The following AGAP1 variants were observed in gnomAD, a reference collection of about 807,000 sequenced individuals.
AGAP1 encodes the protein ArfGAP with GTPase domain, ankyrin repeat and PH domain 1, also known as arf-GAP with GTPase, ANK repeat and PH domain-containing protein 1.
AGAP1 carries 29 observed loss-of-function variants against 105.3 expected under a neutral mutation model. The observed-to-expected ratio is 0.28, with a 90% confidence interval of 0.21 to 0.38. The LOEUF (loss-of-function observed/expected upper bound fraction) is 0.38. Ranked by LOEUF, AGAP1 falls within the 10% of genes least tolerant of loss-of-function variation. The pLI, the probability that AGAP1 is intolerant of heterozygous loss-of-function variation, is 1.00. For missense variants in AGAP1, 998 were observed against 1,165.1 expected (o/e 0.86, Z 2.09); for synonymous variants, 509 against 485.9 (o/e 1.05, Z -0.63).
Position 235,623,175 on chromosome 2 carries a change from G to A in AGAP1, c.164-86004G>A, listed in dbSNP as rs531069697. Among the ~76,000 whole-genome samples the A allele has an allele frequency of 1.6e-4, 25 of 152,180 alleles. No homozygotes were observed. The highest frequency in any genetic ancestry group is 1.2e-3 in the Admixed American group (19 of 15,290). ...ATCAATGGGCCTTTCCTTTCATTTC[G>A]AACTTTCAATACAGCTGCAGAAACA... On this transcript the variant is annotated intron_variant, in intron 1 of 17. Coordinates refer to ENST00000304032, the MANE Select transcript of AGAP1 (RefSeq NM_001037131.3). This position sits in a 1 kb window ranked among gnomAD's most constrained non-coding sequence, Gnocchi z 4.5.
chr2:235,855,226 C>T lies in AGAP1; in HGVS notation c.1051-28119C>T, dbSNP rs971006200. Among the ~76,000 whole-genome samples, 6 of 152,114 alleles carry T rather than the reference C, an allele frequency of 3.9e-5. No individual in the cohort carries two copies. The highest frequency in any genetic ancestry group is 1.9e-4 in the East Asian group (1 of 5,190). On this transcript the variant is annotated intron_variant, in intron 9 of 17. Coordinates refer to ENST00000304032, the MANE Select transcript of AGAP1 (RefSeq NM_001037131.3). The surrounding 1 kb of genome is among the most constrained non-coding windows in gnomAD (Gnocchi z 5.0). ...TGCTGCCATCCCTTGGGGTGGCGCA[C>T]GGAAATGGAAGCGTGAGGTCATCCC... is the stretch of plus-strand genomic sequence containing the variant.
At chr2:235,685,693 A>G (rs1388722145) in intron 1 of AGAP1, among the ~76,000 whole-genome samples, 1 of 152,038 alleles carries the variant, frequency 6.6e-6, no homozygotes, top group Non-Finnish European at 1.5e-5. Context: ...TTTTTACTGT[A>G]AAAATCAAAA....
At chr2:235,978,249 T>C (rs2054941222) in intron 13 of AGAP1, among the ~76,000 whole-genome samples, 1 of 152,190 alleles carries the variant, frequency 6.6e-6, no homozygotes, top group African/African-American at 2.4e-5. Flanking sequence ...TTCTACTTTC[T>C]ATTCCTGGCT....
intron 1 of AGAP1, among the ~76,000 whole-genome samples, chr2:235,681,786 T>C (rs759963812): frequency 2.0e-5 from 3 of 151,826 alleles, no homozygotes; most frequent in Middle Eastern, 3.2e-3. Context: ...ATTGGTGAAA[T>C]TTAACTGTTT....
intron 1 of AGAP1, among the ~76,000 whole-genome samples, chr2:235,497,586 C>T (rs187167459): frequency 9.2e-5 from 14 of 152,302 alleles, no homozygotes; most frequent in Non-Finnish European, 2.1e-4. Context: ...TCTGGACTAC[C>T]GTGATGTGGG....
At chr2:235,890,084 C>A (rs1437404607) in intron 10 of AGAP1, among the ~76,000 whole-genome samples, 1 of 151,872 alleles carries the variant, frequency 6.6e-6, no homozygotes, top group Non-Finnish European at 1.5e-5. Context: ...GGTCCCTGCA[C>A]TTCCATGCTG....
intron 10 of AGAP1, among the ~76,000 whole-genome samples, chr2:235,892,233 T>C (rs140329236): frequency 1.7e-4 from 26 of 152,290 alleles, no homozygotes; most frequent in African/African-American, 6.3e-4. Flanking sequence ...CTGTCATTTC[T>C]CCCTGACCTG....
intron 1 of AGAP1, among the ~76,000 whole-genome samples, chr2:235,632,351 A>C (rs1946856069): frequency 6.6e-6 from 1 of 152,190 alleles, no homozygotes; most frequent in African/African-American, 2.4e-5. Context: ...GGGGTGCCTC[A>C]GAGTAGTGAG....
At chr2:235,567,016 T>C (rs1944368405) in intron 1 of AGAP1, among the ~76,000 whole-genome samples, 1 of 152,122 alleles carries the variant, frequency 6.6e-6, no homozygotes, top group Non-Finnish European at 1.5e-5. Context: ...CGTGCCCTCT[T>C]CCCGGCATGT....
chr2:235,587,290 A>G (rs1467421194), intron 1 of AGAP1, among the ~76,000 whole-genome samples: 1 of 152,170 alleles, frequency 6.6e-6, no homozygotes, highest in Non-Finnish European at 1.5e-5. Flanking sequence ...ATGGAGCTGC[A>G]AACAGCCAGA....
At chr2:235,658,756 C>T (rs1374767228) in intron 1 of AGAP1, among the ~76,000 whole-genome samples, 1 of 152,196 alleles carries the variant, frequency 6.6e-6, no homozygotes, top group Non-Finnish European at 1.5e-5. Context: ...GGAGATAATC[C>T]TAATCACTGG....
chr2:235,643,048 G>A (rs1162005300), intron 1 of AGAP1, among the ~76,000 whole-genome samples: 1 of 152,166 alleles, frequency 6.6e-6, no homozygotes, highest in Non-Finnish European at 1.5e-5. Context: ...ACAGACTCCA[G>A]GGACCAGCTC....
chr2:235,501,240 T>C (rs899902800), intron 1 of AGAP1, among the ~76,000 whole-genome samples: 47 of 152,228 alleles, frequency 3.1e-4, no homozygotes, highest in Admixed American at 3.3e-4. Context: ...CAAGAGAATC[T>C]GGTTAGGAGG....
At chr2:235,602,066 C>T (rs1204929171) in intron 1 of AGAP1, among the ~76,000 whole-genome samples, 3 of 152,212 alleles carry the variant, frequency 2.0e-5, no homozygotes, top group Non-Finnish European at 4.4e-5. Flanking sequence ...CTATGACCTC[C>T]AGGGCCGCAG....
rs1468412800 is a variant in AGAP1, at chr2:235,719,606, G to A, written c.310+1962G>A. 6.6e-6 allele frequency among the ~76,000 whole-genome samples: 1 copy of A among 152,228 alleles called. No individual in the cohort carries two copies. The highest frequency in any genetic ancestry group is 6.5e-5 in the Admixed American group (1 of 15,288). ...TTTTAAAAATACATTATTTTTAAGA[G>A]TAGGAGCGTGGGTGAGTACCTTCCT... is the stretch of plus-strand genomic sequence containing the variant. On this transcript the variant is annotated intron_variant, in intron 3 of 17. Coordinates refer to ENST00000304032, the MANE Select transcript of AGAP1 (RefSeq NM_001037131.3). The surrounding 1 kb of genome is among the most constrained non-coding windows in gnomAD (Gnocchi z 4.9).
chr2:235,501,928 C>G (rs914645509), intron 1 of AGAP1, among the ~76,000 whole-genome samples: 6 of 152,148 alleles, frequency 3.9e-5, no homozygotes, highest in African/African-American at 1.4e-4. Context: ...TGTTAAGTAC[C>G]TTTCTCCGAG....
At chr2:235,998,708 A>G (rs2055926002) in intron 13 of AGAP1, among the ~76,000 whole-genome samples, 1 of 79,748 alleles carries the variant, frequency 1.3e-5, no homozygotes, top group Admixed American at 1.2e-4. Context: ...AGTGATGATG[A>G]TAGTGGTGAT....
At chr2:235,676,654 T>C (rs1948752183) in intron 1 of AGAP1, among the ~76,000 whole-genome samples, 1 of 152,256 alleles carries the variant, frequency 6.6e-6, no homozygotes, top group Non-Finnish European at 1.5e-5. Context: ...GATGTTACTC[T>C]TTCTACAATG....
intron 2 of AGAP1, among the ~76,000 whole-genome samples, chr2:235,715,930 GGT>G (rs1951078039): frequency 6.6e-6 from 1 of 152,168 alleles, no homozygotes. Context: ...AGAGAGGCAA[GGT>G]GTGGACCCAT....
Sources: allele counts gnomAD v4.1 joint callset (sites outside exome capture counted in the v4.1 genomes callset), GRCh38; gene constraint gnomAD v4.1.1; non-coding constraint Gnocchi (gnomAD v3.1); transcripts MANE v1.5; gene names NCBI Gene and HGNC (gene_info 2026-07-23, HGNC 2026-07-21).